RANBP2: variants seen among roughly 807,000 people sequenced by gnomAD.
The protein encoded by RANBP2 is E3 SUMO-protein ligase RanBP2.
In RANBP2, 57 loss-of-function variants were observed where a neutral mutation model predicts 303.6. That is an observed-to-expected ratio of 0.19 (90% CI 0.15 to 0.23). The LOEUF (loss-of-function observed/expected upper bound fraction) is 0.23, where lower values mean the gene tolerates loss of function less well. RANBP2 is among the 10% of genes least tolerant of loss of function. The probability of loss-of-function intolerance (pLI) is 1.00; values close to 1 mark genes in which losing one functional copy is unlikely to be tolerated. For missense variants in RANBP2, 3,138 were observed against 3,780.8 expected (o/e 0.83, Z 4.46); for synonymous variants, 1,167 against 1,301.5 (o/e 0.90, Z 2.23).
At chr2:109,228,066 A>T in the RANBP2 span, among the ~76,000 whole-genome samples, 1 of 152,250 alleles carries the variant, frequency 6.6e-6, no homozygotes, top group East Asian at 1.9e-4. Context: ...CACAGGTACG[A>T]GTGTCTGGTT....
At chr2:108,860,192 T>C in the RANBP2 span, among the ~76,000 whole-genome samples, 1 of 152,152 alleles carries the variant, frequency 6.6e-6, no homozygotes, top group Non-Finnish European at 1.5e-5. Flanking sequence ...GTACGTTGAA[T>C]TTGTATCTTC....
At chr2:109,268,097 G>A in the RANBP2 span, among the ~76,000 whole-genome samples, 3 of 151,884 alleles carry the variant, frequency 2.0e-5, no homozygotes, top group African/African-American at 4.8e-5. Flanking sequence ...AGAAGGGGCC[G>A]ATGGGGAGGA....
chr2:108,977,460 C>G, the RANBP2 span, among the ~76,000 whole-genome samples: 2 of 152,074 alleles, frequency 1.3e-5, no homozygotes, highest in Non-Finnish European at 2.9e-5. Context: ...TTAGTAGAGA[C>G]GCGGTTTCAC....
chr2:108,947,008 C>T, the RANBP2 span, among the ~76,000 whole-genome samples: 1 of 152,224 alleles, frequency 6.6e-6, no homozygotes, highest in Non-Finnish European at 1.5e-5. Context: ...AGGCAAATCC[C>T]TTCTGCCTAT....
Position 108,764,701 on chromosome 2 carries a change from C to T in RANBP2, c.4162C>T (p.Pro1388Ser), listed in dbSNP as rs1676988149. 2.5e-6 allele frequency: 4 copies of T among 1,613,780 alleles called. No individual in the cohort carries two copies. Among genetic ancestry groups the T allele is most frequent in the Non-Finnish European group, 3.4e-6 (4 of 1,179,946 alleles). ...LNPSNKELVG[P>S]PLAETVFTPK... Reference sequence around the variant, plus strand: ...CCCAAGCAATAAAGAGCTCGTTGGCCCACCATTAGCTGAAACTGTTTTTAC... The same window carrying T: ...CCCAAGCAATAAAGAGCTCGTTGGCTCACCATTAGCTGAAACTGTTTTTAC... The change falls in exon 20 of 29, where the codon CCA (proline) becomes TCA (serine). Residue 1388 changes from proline to serine, a missense_variant. Coordinates refer to ENST00000283195, the MANE Select transcript of RANBP2 (RefSeq NM_006267.5).
At chr2:109,333,047 G>A in the RANBP2 span, among the ~76,000 whole-genome samples, 5 of 152,238 alleles carry the variant, frequency 3.3e-5, no homozygotes, top group African/African-American at 4.8e-5. Flanking sequence ...ATGCGCGTGA[G>A]TGCAGAGCTG....
the RANBP2 span, among the ~76,000 whole-genome samples, chr2:109,394,873 G>A: frequency 9.9e-4 from 151 of 152,364 alleles, no homozygotes; most frequent in African/African-American, 3.4e-3. Context: ...AACTTGCAGA[G>A]TGAGGAGCTG....
At chr2:109,191,944 C>T in the RANBP2 span, among the ~76,000 whole-genome samples, 1 of 152,102 alleles carries the variant, frequency 6.6e-6, no homozygotes, top group South Asian at 2.1e-4. Context: ...GAAAGTGGTG[C>T]TTCTCGGATT....
chr2:108,974,911 C>T, the RANBP2 span, among the ~76,000 whole-genome samples: 5 of 152,270 alleles, frequency 3.3e-5, no homozygotes, highest in South Asian at 1.0e-3. Flanking sequence ...GAGCTCTAGC[C>T]TTTCTGAGGT....
At chr2:109,613,932 G>A in the RANBP2 span, 5 of 1,221,276 alleles carry the variant, frequency 4.1e-6, no homozygotes, top group Admixed American at 4.3e-5. Flanking sequence ...AACGGGCGGG[G>A]CGCGAGGCTA....
chr2:109,354,599 G>A, the RANBP2 span, among the ~76,000 whole-genome samples: 2 of 152,242 alleles, frequency 1.3e-5, no homozygotes, highest in Admixed American at 6.5e-5. Flanking sequence ...TTCATGCTGA[G>A]CTCCCAAATG....
chr2:109,136,368 A>G, the RANBP2 span, among the ~76,000 whole-genome samples: 2 of 152,074 alleles, frequency 1.3e-5, no homozygotes, highest in Non-Finnish European at 1.5e-5. Flanking sequence ...TGCATGCTTG[A>G]TGGGTATCCT....
chr2:108,839,531 G>T, the RANBP2 span, among the ~76,000 whole-genome samples: 1 of 152,080 alleles, frequency 6.6e-6, no homozygotes, highest in Non-Finnish European at 1.5e-5. Context: ...TAAAATGTCT[G>T]TCCACTTATT....
chr2:108,906,288 A>G, the RANBP2 span: 3 of 1,602,016 alleles, frequency 1.9e-6, no homozygotes, highest in East Asian at 2.2e-5. Flanking sequence ...CACCTCTCCC[A>G]GGCTTTTTTT....
chr2:109,517,037 T>G, the RANBP2 span, among the ~76,000 whole-genome samples: 1 of 151,934 alleles, frequency 6.6e-6, no homozygotes, highest in African/African-American at 2.4e-5. Flanking sequence ...TGGCTGAGCT[T>G]TGCTCCCCTG....
chr2:109,293,962 C>T, the RANBP2 span, among the ~76,000 whole-genome samples: 1 of 152,168 alleles, frequency 6.6e-6, no homozygotes, highest in Non-Finnish European at 1.5e-5. Flanking sequence ...AAGAGCTTCC[C>T]TGGGTGGGGG....
the RANBP2 span, among the ~76,000 whole-genome samples, chr2:109,488,443 T>C: frequency 6.6e-6 from 1 of 152,236 alleles, no homozygotes; most frequent in Admixed American, 6.5e-5. Flanking sequence ...ACTGCAGTTC[T>C]TTCCTTCCTG....
the RANBP2 span, among the ~76,000 whole-genome samples, chr2:109,476,140 T>G: frequency 6.6e-6 from 1 of 152,180 alleles, no homozygotes; most frequent in African/African-American, 2.4e-5. Flanking sequence ...TATTTAAAAT[T>G]TGCTTATTAG....
chr2:109,463,097 A>T, the RANBP2 span, among the ~76,000 whole-genome samples: 1 of 152,172 alleles, frequency 6.6e-6, no homozygotes, highest in Non-Finnish European at 1.5e-5. Flanking sequence ...CTGAGTCTGT[A>T]AAGTAGCTCA....
Sources: gnomAD v4.1 joint callset for allele counts (sites outside exome capture counted in the v4.1 genomes callset) on GRCh38, gnomAD v4.1.1 for gene constraint, MANE v1.5 for transcripts, NCBI Gene and HGNC (gene_info 2026-07-23, HGNC 2026-07-21) for gene names.